The following STK32A variants were observed in gnomAD, a reference collection of about 807,000 sequenced individuals.
STK32A encodes serine/threonine kinase 32A.
In STK32A, 41 loss-of-function variants were observed where a neutral mutation model predicts 53.2. The ratio of observed to expected loss-of-function variants is 0.77; its 90% CI spans 0.60 to 1.00. The LOEUF (loss-of-function observed/expected upper bound fraction) is 1.00, where lower values mean the gene tolerates loss of function less well. Ranked by LOEUF, STK32A falls within the 50% of genes least tolerant of loss-of-function variation. STK32A has a pLI of 0.00. For missense variants in STK32A, 458 were observed against 485.8 expected, an observed-to-expected ratio of 0.94 and a Z score of 0.54; for synonymous variants, 166 against 162.8, an observed-to-expected ratio of 1.02 and a Z score of -0.15.
At chr5:147,247,626 C>T (rs745625576) in intron 2 of STK32A, among the ~76,000 whole-genome samples, 5 of 152,184 alleles carry the variant, frequency 3.3e-5, no homozygotes, top group Admixed American at 6.5e-5. Flanking sequence ...AAATATTTTA[C>T]ACTTTCCAAG....
intron 4 of STK32A, among the ~76,000 whole-genome samples, chr5:147,288,374 C>T (rs993745300): frequency 2.0e-5 from 3 of 152,174 alleles, no homozygotes; most frequent in Non-Finnish European, 4.4e-5. Context: ...GTTTATCTTT[C>T]CACATTTATA....
chr5:147,263,709 A>G (rs1754684454), intron 2 of STK32A, among the ~76,000 whole-genome samples: 1 of 152,160 alleles, frequency 6.6e-6, no homozygotes, highest in Admixed American at 6.5e-5. Context: ...GGGTAAATAT[A>G]AGAACATTTA....
intron 4 of STK32A, among the ~76,000 whole-genome samples, chr5:147,279,821 A>G (rs1444580283): frequency 1.3e-5 from 2 of 152,164 alleles, no homozygotes; most frequent in East Asian, 3.9e-4. Flanking sequence ...TAATGAGTGT[A>G]TGATGAGGTC....
chr5:147,383,157 C>T lies in STK32A; in HGVS notation c.1033-284C>T, dbSNP rs574894063. On this transcript the variant is annotated intron_variant, in intron 11 of 12. Transcript: ENST00000397936. ...ACTGCGCTTTGCCACCCAAGCCTTC[C>T]CTGAAAGTTGCAAGCTTTCAATAGA... The T allele has an allele frequency of 1.8e-3, 743 of 419,062 alleles. 3 individuals are homozygous for T. Among genetic ancestry groups the T allele is most frequent in the Non-Finnish European group, 2.7e-3 (646 of 238,170 alleles). 26.0% of individuals were successfully genotyped at this position (419,062 alleles called of 1,614,324 possible).
At chr5:147,237,029 C>T (rs1334877566) in intron 1 of STK32A, among the ~76,000 whole-genome samples, 1 of 152,028 alleles carries the variant, frequency 6.6e-6, no homozygotes, top group Non-Finnish European at 1.5e-5. Flanking sequence ...TAATGTTCTC[C>T]CGGCCAGGCA....
intron 5 of STK32A, among the ~76,000 whole-genome samples, chr5:147,332,364 A>G (rs1365423871): frequency 1.3e-5 from 2 of 149,622 alleles, no homozygotes; most frequent in African/African-American, 4.9e-5. Context: ...TTTTTTTTAT[A>G]CCACTTCTCC....
chr5:147,336,790 C>G (rs1755151263), intron 5 of STK32A, among the ~76,000 whole-genome samples: 1 of 152,184 alleles, frequency 6.6e-6, no homozygotes, highest in South Asian at 2.1e-4. Flanking sequence ...AATAGCCCAT[C>G]TGTGACACCC....
chr5:147,319,927 G>C (rs775988739), intron 4 of STK32A, among the ~76,000 whole-genome samples: 73 of 152,140 alleles, frequency 4.8e-4, no homozygotes, highest in Non-Finnish European at 9.1e-4. Flanking sequence ...TAGGAAGTAG[G>C]TTCCCCTACT....
At chr5:147,320,888 G>A (rs1404639037) in intron 4 of STK32A, among the ~76,000 whole-genome samples, 1 of 152,126 alleles carries the variant, frequency 6.6e-6, no homozygotes, top group African/African-American at 2.4e-5. Context: ...AGGCCTCATA[G>A]GTTTCTGTAG....
At chr5:147,255,117 G>A (rs1430006369) in intron 2 of STK32A, among the ~76,000 whole-genome samples, 1 of 152,194 alleles carries the variant, frequency 6.6e-6, no homozygotes, top group Non-Finnish European at 1.5e-5. Context: ...GCCAGCCTGG[G>A]CGACAGAGAC....
chr5:147,375,075 C>T lies in STK32A; in HGVS notation c.904-15C>T, dbSNP rs1581152827. The T allele has an allele frequency of 1.9e-6, 3 of 1,592,470 alleles. No homozygotes were observed. Among genetic ancestry groups the T allele is most frequent in the Non-Finnish European group, 2.6e-6 (3 of 1,172,602 alleles). On this transcript the variant is annotated splice_polypyrimidine_tract_variant and intron_variant, in intron 10 of 12. Transcript: ENST00000397936. Reference sequence around the variant, plus strand: ...TACAGTAATCTGAGGATTGAGCCAACTGTCTTCCTTGCAGAAAGGCAGGCT... The same window carrying T: ...TACAGTAATCTGAGGATTGAGCCAATTGTCTTCCTTGCAGAAAGGCAGGCT...
chr5:147,286,758 A>G (rs752499076), intron 4 of STK32A, among the ~76,000 whole-genome samples: 6 of 152,164 alleles, frequency 3.9e-5, no homozygotes, highest in Admixed American at 1.3e-4. Context: ...ATTGTCACTA[A>G]CAAATACTTC....
chr5:147,296,547 C>T (rs1752876327), intron 4 of STK32A, among the ~76,000 whole-genome samples: 2 of 151,884 alleles, frequency 1.3e-5, no homozygotes, highest in Admixed American at 1.3e-4. Context: ...GTTGACTGTT[C>T]CTAGAGGAAG....
chr5:147,244,506 A>G lies in STK32A; in HGVS notation c.52+4820A>G, dbSNP rs577057853. On this transcript the variant is annotated intron_variant, in intron 2 of 12. Coordinates refer to ENST00000397936, the MANE Select transcript of STK32A (RefSeq NM_001112724.2). ...TTTTAGTAATGGGACACAGCCTGGC[A>G]TGATGGGCTAGAGTATTGGAAAGGC... is the stretch of plus-strand genomic sequence containing the variant. 2.6e-5 allele frequency among the ~76,000 whole-genome samples: 4 copies of G among 152,332 alleles called. No homozygotes were observed. In the East Asian group the frequency reaches 7.7e-4, roughly 29 times the overall value.
chr5:147,393,904 A>G, the STK32A span: 1 of 895,750 alleles, frequency 1.1e-6, no homozygotes, highest in Non-Finnish European at 1.7e-6. Context: ...GGAGAAACAT[A>G]AGGCTTGAGG....
At chr5:147,334,232 C>T (rs1280521572) in intron 5 of STK32A, among the ~76,000 whole-genome samples, 3 of 152,180 alleles carry the variant, frequency 2.0e-5, no homozygotes, top group African/African-American at 7.2e-5. Flanking sequence ...TAGTCACTAC[C>T]ACATAAAGTA....
chr5:147,351,272 T>A, intron 7 of STK32A, 118 bp downstream of exon 7: 1 of 811,142 alleles, frequency 1.2e-6, no homozygotes, highest in Non-Finnish European at 2.0e-6. Context: ...ACTTTACCTG[T>A]GGAGCTTCTG....
the STK32A span, chr5:147,395,653 G>A: frequency 1.2e-6 from 2 of 1,614,082 alleles, no homozygotes; most frequent in African/African-American, 1.3e-5. Context: ...TGCCACCTTT[G>A]GGGGTGGTGG....
intron 4 of STK32A, among the ~76,000 whole-genome samples, chr5:147,291,731 T>C (rs1048776398): frequency 6.6e-6 from 1 of 152,052 alleles, no homozygotes; most frequent in Non-Finnish European, 1.5e-5. Flanking sequence ...AAAACAATGG[T>C]CAGGGCTGAA....
Sources: gnomAD v4.1 joint callset for allele counts (sites outside exome capture counted in the v4.1 genomes callset) on GRCh38, gnomAD v4.1.1 for gene constraint, MANE v1.5 for transcripts, NCBI Gene and HGNC (gene_info 2026-07-23, HGNC 2026-07-21) for gene names.